The following NLRP12 variants were observed in gnomAD, a reference collection of about 807,000 sequenced individuals.
NLRP12 encodes the protein NLR family pyrin domain containing 12, also known as NACHT, LRR and PYD domains-containing protein 12.
NLRP12 carries 108 observed loss-of-function variants against 91.2 expected under a neutral mutation model. That is an observed-to-expected ratio of 1.18 (90% confidence interval 1.01 to 1.39). The LOEUF is 1.39. Among genes scored for constraint, NLRP12 ranks in the 40% most tolerant of loss-of-function variants. The pLI is 0.00. For synonymous variants in NLRP12, 613 were observed against 566.7 expected, an observed-to-expected ratio of 1.08 and a Z score of -1.16; for missense variants, 1,530 against 1,352.7, an observed-to-expected ratio of 1.13 and a Z score of -2.06.
intron 1 of NLRP12, among the ~76,000 whole-genome samples, chr19:53,818,885 G>C (rs1164425034): frequency 6.6e-6 from 1 of 152,132 alleles, no homozygotes; most frequent in East Asian, 1.9e-4. Context: ...CTTACGCACA[G>C]TAACATGAGA....
intron 1 of NLRP12, 71 bp downstream of exon 1, chr19:53,823,815 G>A: frequency 6.4e-7 from 1 of 1,562,208 alleles, no homozygotes; most frequent in South Asian, 1.1e-5. Flanking sequence ...CTCCCAAAGT[G>A]CTGAGATTAC....
chr19:53,806,723 T>C (rs1025792366), intron 4 of NLRP12, among the ~76,000 whole-genome samples: 6 of 139,556 alleles, frequency 4.3e-5, no homozygotes, highest in South Asian at 4.6e-4. Flanking sequence ...CCGGGTGTGG[T>C]TGCACATGCT....
At chr19:53,823,234 A>G (rs1447281022) in intron 1 of NLRP12, among the ~76,000 whole-genome samples, 1 of 142,036 alleles carries the variant, frequency 7.0e-6, no homozygotes, top group Non-Finnish European at 1.5e-5. Flanking sequence ...TAATATATGT[A>G]TTAAATATTT....
At position 53,805,410 on chromosome 19, in the gene NLRP12, G is replaced by A. The variant is rs752188739; in HGVS notation, c.2284C>T (p.Leu762Phe). 1.1e-5 allele frequency: 18 copies of A among 1,614,096 alleles called. No individual in the cohort carries two copies. The highest frequency in any genetic ancestry group is 1.4e-5 in the Non-Finnish European group (17 of 1,180,014). The change falls in exon 5 of 10, where the codon CTC becomes TTC. Residue 762 changes from leucine (L) to phenylalanine (F), a missense_variant. Transcript: ENST00000324134. ...CRISSSACED[L>F]SAALIANKNL... Reference sequence around the variant, plus strand: ...TTATTGGCTATGAGAGCTGCAGAGAGGTCCTCGCAGGCTGAGCTGGAGATG... The same window carrying A: ...TTATTGGCTATGAGAGCTGCAGAGAAGTCCTCGCAGGCTGAGCTGGAGATG...
At chr19:53,809,512 C>G in intron 3 of NLRP12, 75 bp downstream of exon 3, 1 of 1,063,128 alleles carries the variant, frequency 9.4e-7, no homozygotes, top group Non-Finnish European at 1.3e-6. Context: ...GCCTAGGCAA[C>G]AGAGCAAAAA....
At chr19:53,818,064 G>A (rs913831038) in intron 1 of NLRP12, among the ~76,000 whole-genome samples, 1 of 150,972 alleles carries the variant, frequency 6.6e-6, no homozygotes, top group Non-Finnish European at 1.5e-5. Flanking sequence ...TTACAGGCAT[G>A]AGCCACTGCA....
Position 53,810,132 on chromosome 19 carries a change from G to A in NLRP12, c.1527C>T (p.Tyr509=). ...GGAAACTCAAGTGGATGAAGCTGTA[G>A]TACCTCTCACAGTTGATGTCCTTCT... ...IFQKDINCER[Y]YSFIHLSFQE... Residue 509 remains tyrosine (Y), a synonymous_variant, in exon 3 of 10, where the codon TAC becomes TAT. Transcript: ENST00000324134. The A allele has an allele frequency of 6.2e-7, 1 of 1,614,196 alleles. No individual in the cohort carries two copies. The highest frequency in any genetic ancestry group is 1.1e-5 in the South Asian group (1 of 91,082).
At chr19:53,800,612 C>T (rs1350102380) in intron 7 of NLRP12, among the ~76,000 whole-genome samples, 3 of 150,310 alleles carry the variant, frequency 2.0e-5, no homozygotes, top group Admixed American at 6.7e-5. Flanking sequence ...GACGGAGTTT[C>T]GCTCTTGTTG....
At chr19:53,808,250 G>T in intron 3 of NLRP12, 1 of 183,494 alleles carries the variant, frequency 5.4e-6, no homozygotes, top group Non-Finnish European at 1.2e-5. Context: ...TAGAGATGGG[G>T]ATCTCATCAT....
chr19:53,814,907 C>T lies in NLRP12; in HGVS notation c.370+1G>A. 6.2e-7 allele frequency: 1 copy of T among 1,613,528 alleles called. No homozygotes were observed. The highest frequency in any genetic ancestry group is 8.5e-7 in the Non-Finnish European group (1 of 1,179,490). ...ATGTAGGTACATGGCTTGAGGCTCA[C>T]CTTTTCTTGGAGTGACAAGAGAGAC... On this transcript the variant is annotated splice_donor_variant, in intron 2 of 9. Coordinates refer to ENST00000324134, the MANE Select transcript of NLRP12 (RefSeq NM_144687.4). LOFTEE classifies it high-confidence loss of function.
intron 1 of NLRP12, among the ~76,000 whole-genome samples, chr19:53,820,569 C>T (rs906716345): frequency 3.3e-5 from 5 of 151,998 alleles, no homozygotes; most frequent in African/African-American, 1.2e-4. Flanking sequence ...TCAAATGGGG[C>T]TCTGTGGTGC....
At chr19:53,809,526 A>AAAC (rs2092019511) in intron 3 of NLRP12, 61 bp downstream of exon 3, 1 of 1,252,830 alleles carries the variant, frequency 8.0e-7, no homozygotes, top group Non-Finnish European at 1.1e-6. Context: ...GCAAAAAAAA[A>AAAC]AAAAAAAAAA....
intron 1 of NLRP12, among the ~76,000 whole-genome samples, chr19:53,816,656 G>C (rs1291062991): frequency 6.6e-6 from 1 of 151,828 alleles, no homozygotes. Context: ...CGAGTAGCTG[G>C]GACTACAGGC....
chr19:53,805,021 C>T (rs2091934997), intron 5 of NLRP12, among the ~76,000 whole-genome samples: 1 of 152,020 alleles, frequency 6.6e-6, no homozygotes, highest in South Asian at 2.1e-4. Context: ...CATAGCAAGA[C>T]CCCGTCTCGG....
rs1308512408 is a variant in NLRP12, at chr19:53,809,835, C to T, written c.1824G>A (p.Gln608=). Residue 608 remains glutamine, a synonymous_variant, in exon 3 of 10, where the codon CAG becomes CAA. Coordinates refer to ENST00000324134, the MANE Select transcript of NLRP12 (RefSeq NM_144687.4). The part of the protein sequence containing the change: ...KAQSDGSTLQ[Q]GSLEFFSCLY... ...AGCAGCTGAAGAACTCCAAGGAGCC[C>T]TGCTGCAGGGTGGAGCCGTCGCTCT... 12 of 1,614,024 alleles carry T rather than the reference C, an allele frequency of 7.4e-6. No individual in the cohort carries two copies. Among genetic ancestry groups the T allele is most frequent in the Non-Finnish European group, 1.0e-5 (12 of 1,180,034 alleles).
In NLRP12 at chr19:53,803,952, CA is replaced by C; in HGVS notation, c.2584del (p.Trp862GlyfsTer2). On this transcript the variant is annotated frameshift_variant and splice_region_variant, in exon 6 of 10. Coordinates refer to ENST00000324134, the MANE Select transcript of NLRP12 (RefSeq NM_144687.4). LOFTEE classifies it high-confidence loss of function. Reference sequence around the variant, plus strand: ...ATAGTTGACCCCAGGAAGAACTCACCACAAAGTCCGTAGTCTGCAGACTGGG... The same window carrying C: ...ATAGTTGACCCCAGGAAGAACTCACCCAAAGTCCGTAGTCTGCAGACTGGG... ...RHPVCRLRTLWLKICRLTAAA... is the reference protein window; with the variant it reads ...RHPVCRLRTLXLKICRLTAAA... 1 of 1,613,982 alleles carries C rather than the reference CA, an allele frequency of 6.2e-7. No homozygotes were observed. The highest frequency in any genetic ancestry group is 2.2e-5 in the East Asian group (1 of 44,862).
Position 53,824,114 on chromosome 19 carries a change from C to T in NLRP12, c.61G>A (p.Glu21Lys), listed in dbSNP as rs767372759. 2.7e-5 allele frequency: 44 copies of T among 1,614,092 alleles called. No homozygotes were observed. Among genetic ancestry groups the T allele is most frequent in the Non-Finnish European group, 3.1e-5 (37 of 1,180,032 alleles). Reference protein sequence around the residue: ...CRLSTYLEELEAVELKKFKLY... With the variant: ...CRLSTYLEELKAVELKKFKLY... Reference sequence around the variant, plus strand: ...TTGAACTTCTTCAGTTCCACAGCCTCGAGTTCTTCCAAGTAGGTGGACAGG... The same window carrying T: ...TTGAACTTCTTCAGTTCCACAGCCTTGAGTTCTTCCAAGTAGGTGGACAGG... The change falls in exon 1 of 10, where the codon GAG (glutamate) becomes AAG (lysine). Residue 21 changes from glutamate to lysine, a missense_variant. Transcript: ENST00000324134.
intron 8 of NLRP12, among the ~76,000 whole-genome samples, chr19:53,796,650 C>G (rs1380893429): frequency 6.6e-6 from 1 of 151,944 alleles, no homozygotes; most frequent in Admixed American, 6.5e-5. Context: ...TCCCAAAGTG[C>G]TGGGATTATA....
At chr19:53,819,860 AAAAG>A (rs1387690144) in intron 1 of NLRP12, among the ~76,000 whole-genome samples, 1 of 150,948 alleles carries the variant, frequency 6.6e-6, no homozygotes, top group Non-Finnish European at 1.5e-5. Context: ...GAGAGAAAAG[AAAAG>A]AAAGGAAGGA....
Sources: allele counts gnomAD v4.1 joint callset (sites outside exome capture counted in the v4.1 genomes callset), GRCh38; gene constraint gnomAD v4.1.1; transcripts MANE v1.5; gene names NCBI Gene and HGNC (gene_info 2026-07-23, HGNC 2026-07-21).